Variants in ADAM23 observed in about 807,000 individuals in gnomAD.
ADAM23 encodes disintegrin and metalloproteinase domain-containing protein 23.
A neutral mutation model predicts 120.1 loss-of-function variants in ADAM23; 33 were observed. The observed-to-expected ratio is 0.27, with a 90% CI of 0.21 to 0.37. The LOEUF (loss-of-function observed/expected upper bound fraction) is 0.37, where lower values mean the gene tolerates loss of function less well. Among genes scored for constraint, ADAM23 ranks in the 10% least tolerant of loss-of-function variants. ADAM23 has a pLI of 1.00. For missense variants in ADAM23, 862 were observed against 1,058.2 expected, an observed-to-expected ratio of 0.81 and a Z score of 2.57; for synonymous variants, 367 against 375.2, an observed-to-expected ratio of 0.98 and a Z score of 0.25.
intron 25 of ADAM23, among the ~76,000 whole-genome samples, chr2:206,615,836 G>A (rs1415061218): frequency 2.0e-5 from 3 of 152,216 alleles, no homozygotes; most frequent in Admixed American, 6.5e-5. Context: ...GTGCCAGGCT[G>A]AAATGGAATT....
chr2:206,452,172 C>T (rs1180325820), intron 2 of ADAM23, among the ~76,000 whole-genome samples: 1 of 152,184 alleles, frequency 6.6e-6, no homozygotes, highest in African/African-American at 2.4e-5. Context: ...CTGCAGTGCC[C>T]TCATTCTTTG....
chr2:206,528,372 T>C (rs1696983408), intron 3 of ADAM23, among the ~76,000 whole-genome samples: 1 of 152,226 alleles, frequency 6.6e-6, no homozygotes, highest in African/African-American at 2.4e-5. Context: ...CTATCTGAGA[T>C]TTTTAAAAAG....
At chr2:206,487,112 A>C (rs1404099961) in intron 3 of ADAM23, among the ~76,000 whole-genome samples, 1 of 152,170 alleles carries the variant, frequency 6.6e-6, no homozygotes, top group Non-Finnish European at 1.5e-5. Flanking sequence ...GGTTGTTGCA[A>C]GGATTAGATG....
At chr2:206,560,175 C>G (rs970431519) in intron 11 of ADAM23, 57 bp downstream of exon 11, 7 of 1,520,898 alleles carry the variant, frequency 4.6e-6, no homozygotes, top group Non-Finnish European at 5.3e-6. Context: ...ATCCTTATCC[C>G]TTTTTTGGTT....
rs570214801 is a variant in ADAM23, at chr2:206,618,566, C to T, written c.*939C>T. 3 of 152,186 alleles carry T rather than the reference C, an allele frequency of 2.0e-5. No homozygotes were observed. The highest frequency in any genetic ancestry group is 7.2e-5 in the African/African-American group (3 of 41,524). The allele number at this position is 152,186 out of a possible 1,614,324, so 9.4% of individuals were successfully genotyped here. On this transcript the variant is annotated 3_prime_UTR_variant, in exon 26 of 26. Transcript: ENST00000264377. ...TCTTTTTTGTTTCTTGTCTCTCTTTCTCTGTCTCTGTCCTTCTCTCTTGTA... is the reference window on the plus strand; with the variant it reads ...TCTTTTTTGTTTCTTGTCTCTCTTTTTCTGTCTCTGTCCTTCTCTCTTGTA...
In ADAM23 at chr2:206,530,616, A is replaced by G. The variant is rs553332263; in HGVS notation, c.510-269A>G. Among the ~76,000 whole-genome samples, 43 of 92,944 alleles carry G rather than the reference A, an allele frequency of 4.6e-4. No homozygotes were observed. In the East Asian group the frequency reaches 0.01, roughly 22 times the overall value. 61.0% of individuals were successfully genotyped at this position (92,944 alleles called of 152,430 possible). ...GGGCGACAGGGCGAGACTCAGTCTC[A>G]AAAAGAAAAAAAAAAAAAAAAAGAG... On this transcript the variant is annotated intron_variant, in intron 3 of 25. Coordinates refer to ENST00000264377, the MANE Select transcript of ADAM23 (RefSeq NM_003812.4).
At chr2:206,578,826 A>C (rs956978198) in intron 18 of ADAM23, among the ~76,000 whole-genome samples, 1 of 152,172 alleles carries the variant, frequency 6.6e-6, no homozygotes, top group Non-Finnish European at 1.5e-5. Context: ...ACTGTTTTCC[A>C]TAGTGGCGGT....
At chr2:206,473,632 T>C (rs1032775804) in intron 2 of ADAM23, among the ~76,000 whole-genome samples, 2 of 149,506 alleles carry the variant, frequency 1.3e-5, no homozygotes, top group African/African-American at 4.9e-5. Context: ...ACGATTCTTA[T>C]TTAATTGACA....
intron 3 of ADAM23, among the ~76,000 whole-genome samples, chr2:206,493,139 T>G (rs1696166641): frequency 6.6e-6 from 1 of 152,184 alleles, no homozygotes; most frequent in Non-Finnish European, 1.5e-5. Context: ...AACCATTTTT[T>G]GGATGATTCA....
intron 3 of ADAM23, among the ~76,000 whole-genome samples, chr2:206,502,043 A>G (rs1258271367): frequency 2.6e-5 from 4 of 152,172 alleles, no homozygotes; most frequent in African/African-American, 9.6e-5. Context: ...TGCATTGGGA[A>G]GAATAATGTC....
intron 9 of ADAM23, among the ~76,000 whole-genome samples, chr2:206,552,786 C>T (rs1293034064): frequency 6.6e-6 from 1 of 152,018 alleles, no homozygotes; most frequent in Non-Finnish European, 1.5e-5. Context: ...TTCAGCCTCC[C>T]GAGTAGCTGG....
chr2:206,516,786 A>G (rs780237258), intron 3 of ADAM23, among the ~76,000 whole-genome samples: 7 of 152,102 alleles, frequency 4.6e-5, no homozygotes, highest in Non-Finnish European at 1.0e-4. Context: ...TGAAATTAGA[A>G]CTAGTGTAAA....
chr2:206,560,042 C>A lies in ADAM23; in HGVS notation c.1093C>A (p.Pro365Thr). The change falls in exon 11 of 26, where the codon CCT becomes ACT. Residue 365 changes from proline to threonine, a missense_variant. Transcript: ENST00000264377. ...EKDQIDITTNPVQMLHEFSKY... is the reference protein window; with the variant it reads ...EKDQIDITTNTVQMLHEFSKY... The stretch of plus-strand genomic sequence containing the variant: ...GGATCAGATTGACATCACCACCAAC[C>A]CTGTGCAGATGCTCCATGAGTTCTC... 6.2e-7 allele frequency: 1 copy of A among 1,614,138 alleles called. No individual in the cohort carries two copies. Among genetic ancestry groups the A allele is most frequent in the Non-Finnish European group, 8.5e-7 (1 of 1,179,990 alleles).
intron 3 of ADAM23, among the ~76,000 whole-genome samples, chr2:206,488,108 AG>A (rs1322791789): frequency 1.3e-5 from 2 of 152,278 alleles, no homozygotes; most frequent in East Asian, 3.8e-4. Flanking sequence ...AGAAGCAGAC[AG>A]CTACACTGAT....
At chr2:206,537,038 A>C (rs1559253329) in intron 4 of ADAM23, among the ~76,000 whole-genome samples, 1 of 152,148 alleles carries the variant, frequency 6.6e-6, no homozygotes, top group Non-Finnish European at 1.5e-5. Flanking sequence ...ACAAAAAAGC[A>C]GAAAAAATAT....
chr2:206,508,597 AG>A (rs1242334461), intron 3 of ADAM23, among the ~76,000 whole-genome samples: 1 of 150,550 alleles, frequency 6.6e-6, no homozygotes, highest in Non-Finnish European at 1.5e-5. Flanking sequence ...CAGAGGCTGC[AG>A]TGAACCAAGA....
chr2:206,503,263 T>C (rs964626418), intron 3 of ADAM23, among the ~76,000 whole-genome samples: 3 of 152,120 alleles, frequency 2.0e-5, no homozygotes, highest in African/African-American at 7.2e-5. Flanking sequence ...AAATGACTTT[T>C]TTTCCCTAGG....
At chr2:206,522,223 T>C (rs1696858545) in intron 3 of ADAM23, among the ~76,000 whole-genome samples, 1 of 152,040 alleles carries the variant, frequency 6.6e-6, no homozygotes, top group African/African-American at 2.4e-5. Context: ...AAATTTGTTG[T>C]TGTTAGTAGA....
intron 2 of ADAM23, 143 bp downstream of exon 2, chr2:206,445,667 G>C: frequency 1.4e-6 from 1 of 712,672 alleles, no homozygotes; most frequent in East Asian, 2.7e-5. Flanking sequence ...GGAGAAACTG[G>C]AAGGAATTAA....
Sources: gnomAD v4.1 joint callset for allele counts (sites outside exome capture counted in the v4.1 genomes callset) on GRCh38, gnomAD v4.1.1 for gene constraint, MANE v1.5 for transcripts, NCBI Gene and HGNC (gene_info 2026-07-23, HGNC 2026-07-21) for gene names.